Variants in CRELD1 observed in about 807,000 individuals in gnomAD.
The protein encoded by CRELD1 is CRELD disulfide isomerase 1.
In CRELD1, 42 loss-of-function variants were observed where a neutral mutation model predicts 58.2. The observed-to-expected ratio is 0.72, with a 90% CI of 0.56 to 0.93. The LOEUF (loss-of-function observed/expected upper bound fraction) is 0.93, where lower values mean the gene tolerates loss of function less well. Among genes scored for constraint, CRELD1 ranks in the 40% least tolerant of loss-of-function variants. CRELD1 has a pLI of 0.00. For synonymous variants in CRELD1, 222 were observed against 202.0 expected (o/e 1.10, Z -0.84); for missense variants, 500 against 540.6 (o/e 0.92, Z 0.74).
In CRELD1 at chr3:9,943,463, T is replaced by C. The variant is rs1248363671; in HGVS notation, c.996T>C (p.Cys332=). 1 of 1,613,908 alleles carries C rather than the reference T, an allele frequency of 6.2e-7. No individual in the cohort carries two copies. The highest frequency in any genetic ancestry group is 8.5e-7 in the Non-Finnish European group (1 of 1,180,000). ...CCGAGGGCGGTTATCGCTGCATCTG[T>C]GCCGAGGGCTACAAGCAGATGGAAG... The part of the protein sequence containing the change: ...ENTEGGYRCI[C]AEGYKQMEGI... The change falls in exon 10 of 11, where the codon TGT becomes TGC. Residue 332 remains cysteine (C), a synonymous_variant. Coordinates refer to ENST00000452070, the MANE Select transcript of CRELD1 (RefSeq NM_001077415.3).
At chr3:9,940,500 C>A (rs1335940901) in intron 5 of CRELD1, among the ~76,000 whole-genome samples, 1 of 152,020 alleles carries the variant, frequency 6.6e-6, no homozygotes, top group African/African-American at 2.4e-5. Context: ...ACCCCGTCTC[C>A]ACCAAAAAAA....
At chr3:9,942,745 A>G (rs1455524658) in intron 7 of CRELD1, 68 bp from the exon 8 acceptor site, 1 of 1,258,070 alleles carries the variant, frequency 7.9e-7, no homozygotes, top group Admixed American at 1.7e-5. Context: ...ACCATTCCCC[A>G]ACGGCTCTGG....
At chr3:9,942,408 T>G (rs1461567297) in intron 7 of CRELD1, among the ~76,000 whole-genome samples, 2 of 152,178 alleles carry the variant, frequency 1.3e-5, no homozygotes, top group Non-Finnish European at 2.9e-5. Context: ...TCCTGTAACT[T>G]ACTGCACAAT....
chr3:9,935,779 G>A (rs1356328114), intron 3 of CRELD1: 4 of 152,118 alleles, frequency 2.6e-5, no homozygotes, highest in African/African-American at 9.7e-5. Flanking sequence ...AACCGAGAAG[G>A]TTTAGGGGAG....
chr3:9,943,006 T>C, intron 8 of CRELD1, 71 bp from the exon 9 acceptor site: 1 of 1,553,616 alleles, frequency 6.4e-7, no homozygotes, highest in Non-Finnish European at 8.9e-7. Context: ...CCCCCAGGCC[T>C]CCGCTTCTGG....
chr3:9,943,639 G>C, intron 10 of CRELD1, 124 bp downstream of exon 10: 1 of 1,579,296 alleles, frequency 6.3e-7, no homozygotes, highest in Non-Finnish European at 8.6e-7. Flanking sequence ...CCCCCTGGAG[G>C]CTGCACTGAG....
chr3:9,941,003 A>G lies in CRELD1; in HGVS notation c.614A>G (p.Asn205Ser), dbSNP rs2085351420. 1.9e-6 allele frequency: 3 copies of G among 1,614,050 alleles called. No homozygotes were observed. The highest frequency in any genetic ancestry group is 2.2e-5 in the South Asian group (2 of 91,092). The change falls in exon 6 of 11, where the codon AAC (asparagine) becomes AGC (serine). Residue 205 changes from asparagine to serine, a missense_variant. Transcript: ENST00000452070. Reference protein sequence around the residue: ...CGLGYFEAERNASHLVCSACF... With the variant: ...CGLGYFEAERSASHLVCSACF... ...CTTGGCTACTTTGAGGCAGAACGCA[A>G]CGCCAGCCATCTGGTATGTTCGGGT...
Position 9,944,144 on chromosome 3 carries a change from T to C in CRELD1, c.1049-221T>C, listed in dbSNP as rs1413832941. The C allele has an allele frequency of 3.8e-6, 3 of 788,080 alleles. No individual in the cohort carries two copies. In the South Asian group the frequency reaches 4.0e-5, roughly 11 times the overall value. 48.8% of individuals were successfully genotyped at this position (788,080 alleles called of 1,614,324 possible). ...TTGTCCACCACATGGCCTTGGCAAG[T>C]CCAACCCCTTTACCTCTCTGAGCCT... On this transcript the variant is annotated intron_variant, in intron 10 of 10. Transcript: ENST00000452070.
chr3:9,939,303 T>C (rs1050596332), intron 5 of CRELD1, among the ~76,000 whole-genome samples: 2 of 152,252 alleles, frequency 1.3e-5, no homozygotes, highest in Admixed American at 6.5e-5. Flanking sequence ...TTTACTGATA[T>C]GCAGAGCAGA....
At chr3:9,943,932 C>T in intron 10 of CRELD1, 4 of 1,506,894 alleles carry the variant, frequency 2.7e-6, no homozygotes, top group Non-Finnish European at 3.7e-6. Flanking sequence ...GATTTAACCC[C>T]TGAAACAACC....
intron 10 of CRELD1, 93 bp downstream of exon 10, chr3:9,943,608 C>G: frequency 6.3e-7 from 1 of 1,598,496 alleles, no homozygotes; most frequent in Non-Finnish European, 8.5e-7. Context: ...CAGGCCCTGC[C>G]CCATCCCTAC....
At chr3:9,936,062 A>G (rs1017996450) in intron 3 of CRELD1, 1 of 152,220 alleles carries the variant, frequency 6.6e-6, no homozygotes, top group Non-Finnish European at 1.5e-5. Context: ...TGAGCCCTCC[A>G]GCTTTTCAAA....
In CRELD1 at chr3:9,940,913, G is replaced by A. The variant is rs759093681; in HGVS notation, c.524G>A (p.Arg175Gln). Residue 175 changes from arginine to glutamine, a missense_variant, in exon 6 of 11, where the codon CGA becomes CAA. Transcript: ENST00000452070. ...GYGQCEGEGT[R>Q]GGSGHCDCQA... ...GGGCAGTGTGAAGGAGAAGGGACAC[G>A]AGGGGGCAGCGGGCACTGTGACTGC... 15 of 1,614,006 alleles carry A rather than the reference G, an allele frequency of 9.3e-6. No homozygotes were observed. Among genetic ancestry groups the A allele is most frequent in the African/African-American group, 8.0e-5 (6 of 74,906 alleles).
In CRELD1 at chr3:9,944,626, G is replaced by C. The variant is rs768629028; in HGVS notation, c.*47G>C. The C allele has an allele frequency of 1.1e-5, 16 of 1,509,924 alleles. No homozygotes were observed. Among genetic ancestry groups the C allele is most frequent in the Non-Finnish European group, 1.4e-5 (16 of 1,116,288 alleles). The allele number at this position is 1,509,924 out of a possible 1,614,324, so 93.5% of individuals were successfully genotyped here. On this transcript the variant is annotated 3_prime_UTR_variant, in exon 11 of 11. Coordinates refer to ENST00000452070, the MANE Select transcript of CRELD1 (RefSeq NM_001077415.3). The stretch of plus-strand genomic sequence containing the variant: ...CCTCCTCCCACCCACGCTGCCCCCA[G>C]AGCTTGGGCTGCCCTCCTGCTGGAC...
chr3:9,934,444 C>G lies in CRELD1; in HGVS notation c.6C>G (p.Ala2=), dbSNP rs563381077. 1.2e-6 allele frequency: 2 copies of G among 1,613,776 alleles called. No individual in the cohort carries two copies. Among genetic ancestry groups the G allele is most frequent in the African/African-American group, 2.7e-5 (2 of 75,016 alleles). The change falls in exon 2 of 11, where the codon GCC becomes GCG. Residue 2 remains alanine (A), a synonymous_variant. Coordinates refer to ENST00000452070, the MANE Select transcript of CRELD1 (RefSeq NM_001077415.3). Reference sequence around the variant, plus strand: ...GGTCCCCAGCCTGGGTAAAGATGGCCCCATGGCCCCCGAAGGGCCTAGTCC... The same window carrying G: ...GGTCCCCAGCCTGGGTAAAGATGGCGCCATGGCCCCCGAAGGGCCTAGTCC... M[A]PWPPKGLVPA...
At position 9,943,412 on chromosome 3, in the gene CRELD1, G is replaced by A. The variant is rs76764016; in HGVS notation, c.945G>A (p.Pro315=). The A allele has an allele frequency of 0.014, 22,566 of 1,613,998 alleles. 193 individuals are homozygous for A. The highest frequency in any genetic ancestry group is 0.017 in the Non-Finnish European group (19,844 of 1,179,998). The change falls in exon 10 of 11, where the codon CCG becomes CCA. Residue 315 remains proline (P), a synonymous_variant. Transcript: ENST00000452070. ...DVDECETEVC[P]GENKQCENTE... ...ATGAGTGTGAGACAGAGGTGTGTCC[G>A]GGAGAGAACAAGCAGTGTGAAAACA... is the stretch of plus-strand genomic sequence containing the variant.
rs760807803 is a variant in CRELD1, at chr3:9,942,880, C to T, written c.801C>T (p.Gly267=). Residue 267 remains glycine (G), a synonymous_variant, in exon 8 of 11, where the codon GGC becomes GGT. Transcript: ENST00000452070. ...ACCAATTCTGCGTGAACACTGAGGG[C>T]TCCTATGAGTGCCGAGGTCAGTGTC... ...GADQFCVNTE[G]SYECRDCAKA... is the part of the protein sequence containing the mutation. 3.1e-6 allele frequency: 5 copies of T among 1,614,056 alleles called. No homozygotes were observed. In the Admixed American group the frequency reaches 8.3e-5, roughly 27 times the overall value.
chr3:9,938,793 G>T lies in CRELD1; in HGVS notation c.460+687G>T, dbSNP rs564053884. 2.6e-5 allele frequency among the ~76,000 whole-genome samples: 4 copies of T among 152,114 alleles called. No individual in the cohort carries two copies. The South Asian group carries it at 6.2e-4, about 24-fold the overall frequency. ...AAGAATGGCATGAACCCGGCAGGCG[G>T]AGCTTGCAGTGAGCCGAGATCATGC... On this transcript the variant is annotated intron_variant, in intron 5 of 10. Coordinates refer to ENST00000452070, the MANE Select transcript of CRELD1 (RefSeq NM_001077415.3).
Position 9,937,549 on chromosome 3 carries a change from C to T in CRELD1, c.258-13C>T, listed in dbSNP as rs117956843. ...GGGGCATGTTTCCCACCAGCCCTGC[C>T]CTGTCCGATCAGTGAGACCCGCCTG... On this transcript the variant is annotated splice_polypyrimidine_tract_variant and intron_variant, in intron 3 of 10. Transcript: ENST00000452070. 6.3e-7 allele frequency: 1 copy of T among 1,593,508 alleles called. No homozygotes were observed. Among genetic ancestry groups the T allele is most frequent in the Admixed American group, 1.7e-5 (1 of 58,780 alleles).
Sources: allele counts gnomAD v4.1 joint callset (sites outside exome capture counted in the v4.1 genomes callset), GRCh38; gene constraint gnomAD v4.1.1; transcripts MANE v1.5; gene names NCBI Gene and HGNC (gene_info 2026-07-23, HGNC 2026-07-21).